CXCL13: variants seen among roughly 807,000 people sequenced by gnomAD.
CXCL13 encodes the protein C-X-C motif chemokine 13.
In CXCL13, 7 loss-of-function variants were observed where a neutral mutation model predicts 12.2. The ratio of observed to expected loss-of-function variants is 0.57; its 90% CI spans 0.33 to 1.07. The LOEUF is 1.07. Ranked by LOEUF, CXCL13 falls within the 50% of genes least tolerant of loss-of-function variation. The pLI is 0.04. For synonymous variants in CXCL13, 47 were observed against 42.4 expected (o/e 1.11, Z -0.42); for missense variants, 113 against 127.4 (o/e 0.89, Z 0.55).
Position 77,571,773 on chromosome 4 carries a change from G to A in CXCL13, c.-42-34051G>A, listed in dbSNP as rs531554979. ...TCCCCTTCCACACTGTGGAAGCTTT[G>A]TTCTTTTGCTCTTTGCAATAAATCT... On this transcript the variant is annotated intron_variant, in intron 1 of 4. Coordinates refer to the CXCL13 transcript ENST00000286758. 6.2e-4 allele frequency among the ~76,000 whole-genome samples: 94 copies of A among 151,824 alleles called. 5 individuals carry two copies. Among genetic ancestry groups the A allele is most frequent in the African/African-American group, 2.2e-3 (92 of 41,178 alleles).
chr4:77,522,415 G>A (rs1440807450), intron 1 of CXCL13, among the ~76,000 whole-genome samples: 1 of 148,294 alleles, frequency 6.7e-6, no homozygotes, highest in African/African-American at 2.5e-5. Context: ...TCTTCTTGTT[G>A]AATTGATCCC....
At position 77,611,566 on chromosome 4, in the gene CXCL13, T is replaced by C. The variant is rs1727156215; in HGVS notation, c.*527T>C. On this transcript the variant is annotated 3_prime_UTR_variant, in exon 4 of 4. Transcript: ENST00000682537. ...CTACGGAGGAGAATTAAGTCCTACTTTTAAAGAATTTCTTTATAAAATTTA... is the reference window on the plus strand; with the variant it reads ...CTACGGAGGAGAATTAAGTCCTACTCTTAAAGAATTTCTTTATAAAATTTA... 1 of 397,198 alleles carries C rather than the reference T, an allele frequency of 2.5e-6. No homozygotes were observed. The highest frequency in any genetic ancestry group is 2.1e-5 in the African/African-American group (1 of 48,598). The allele number at this position is 397,198 out of a possible 1,614,324, so 24.6% of individuals were successfully genotyped here.
chr4:77,542,082 T>A (rs1367639088), intron 1 of CXCL13, among the ~76,000 whole-genome samples: 2 of 152,152 alleles, frequency 1.3e-5, no homozygotes, highest in Non-Finnish European at 2.9e-5. Flanking sequence ...TTTACTGAGG[T>A]CATTTATCAG....
chr4:77,522,514 C>CTTTTTTTTTTTTTTGTTTT (rs1724635320), intron 1 of CXCL13, among the ~76,000 whole-genome samples: 1 of 10,070 alleles, frequency 9.9e-5, no homozygotes, highest in African/African-American at 3.9e-4. Context: ...GCAACCCCTG[C>CTTTTTTTTTTTTTTGTTTT]TTTTTTTTTT....
At chr4:77,523,767 C>A (rs1724682904) in intron 1 of CXCL13, among the ~76,000 whole-genome samples, 1 of 152,220 alleles carries the variant, frequency 6.6e-6, no homozygotes. Flanking sequence ...CAAGGACCTG[C>A]AAACCTTTGG....
chr4:77,543,767 C>G (rs1189138026), intron 1 of CXCL13, among the ~76,000 whole-genome samples: 2 of 151,862 alleles, frequency 1.3e-5, no homozygotes, highest in East Asian at 3.9e-4. Flanking sequence ...AATTATTATA[C>G]TTTAATTTCT....
At chr4:77,530,668 C>G (rs1164247375) in intron 1 of CXCL13, among the ~76,000 whole-genome samples, 1 of 151,936 alleles carries the variant, frequency 6.6e-6, no homozygotes, top group Non-Finnish European at 1.5e-5. Flanking sequence ...TCTCTCTTTT[C>G]TTCTTTATTA....
intron 1 of CXCL13, among the ~76,000 whole-genome samples, chr4:77,606,860 G>A (rs536883845): frequency 2.8e-4 from 42 of 152,322 alleles, no homozygotes; most frequent in African/African-American, 9.6e-4. Flanking sequence ...GGATAGAAAA[G>A]ATCTGATAAA....
rs1727150299 is a variant in CXCL13, at chr4:77,611,390, C to T, written c.*351C>T. 2.8e-6 allele frequency: 1 copy of T among 360,202 alleles called. No homozygotes were observed. 22.3% of individuals were successfully genotyped at this position (360,202 alleles called of 1,614,324 possible). On this transcript the variant is annotated 3_prime_UTR_variant, in exon 4 of 4. Transcript: ENST00000682537. Reference sequence around the variant, plus strand: ...TGAGAATTTAAGCCTCAAATTTGAACATGTGGCTTGAATTAAGAAGAAAAT... The same window carrying T: ...TGAGAATTTAAGCCTCAAATTTGAATATGTGGCTTGAATTAAGAAGAAAAT...
intron 1 of CXCL13, among the ~76,000 whole-genome samples, chr4:77,535,323 T>C (rs1477307412): frequency 1.3e-5 from 2 of 152,224 alleles, no homozygotes; most frequent in Non-Finnish European, 2.9e-5. Flanking sequence ...TATAAATTCT[T>C]CAATGTATTC....
chr4:77,557,910 G>A (rs1295157763), intron 1 of CXCL13, among the ~76,000 whole-genome samples: 1 of 152,086 alleles, frequency 6.6e-6, no homozygotes, highest in Non-Finnish European at 1.5e-5. Flanking sequence ...CATCTACCTT[G>A]GCAACTCTGG....
At chr4:77,598,280 G>A (rs56199654) in intron 1 of CXCL13, among the ~76,000 whole-genome samples, 1 of 152,334 alleles carries the variant, frequency 6.6e-6, no homozygotes, top group African/African-American at 2.4e-5. Flanking sequence ...CTGTATTAGG[G>A]AGACTCTGCA....
chr4:77,537,879 C>T (rs1054920292), intron 1 of CXCL13, among the ~76,000 whole-genome samples: 4 of 152,152 alleles, frequency 2.6e-5, no homozygotes, highest in African/African-American at 9.7e-5. Context: ...GGGATGAACT[C>T]TTGATCCAAA....
At chr4:77,580,167 G>A (rs1345640412) in intron 1 of CXCL13, among the ~76,000 whole-genome samples, 1 of 151,846 alleles carries the variant, frequency 6.6e-6, no homozygotes, top group Non-Finnish European at 1.5e-5. Context: ...TTGAGTGATA[G>A]ATACACTAAA....
Position 77,610,992 on chromosome 4 carries a change from A to T in CXCL13, c.283A>T (p.Ser95Cys), listed in dbSNP as rs533657002. The T allele has an allele frequency of 1.8e-5, 29 of 1,610,574 alleles. No homozygotes were observed. The highest frequency in any genetic ancestry group is 2.3e-5 in the Non-Finnish European group (27 of 1,179,452). The change falls in exon 4 of 4, where the codon AGT (serine) becomes TGT (cysteine). Residue 95 changes from serine (S) to cysteine (C), a missense_variant. Transcript: ENST00000682537. ...GTTTTTGTTTCTGCTTCACAGAAGA[A>T]GTTCTTCAACTCTACCAGTTCCAGT... Reference protein sequence around the residue: ...QRMMEVLRKRSSSTLPVPVFK... With the variant: ...QRMMEVLRKRCSSTLPVPVFK...
intron 1 of CXCL13, among the ~76,000 whole-genome samples, chr4:77,598,366 G>T (rs1726813153): frequency 6.6e-6 from 1 of 152,182 alleles, no homozygotes; most frequent in Admixed American, 6.5e-5. Context: ...CTGTCGTCTT[G>T]CCATGAAAGA....
intron 1 of CXCL13, among the ~76,000 whole-genome samples, chr4:77,541,482 T>C (rs866567912): frequency 9.2e-5 from 14 of 152,206 alleles, no homozygotes; most frequent in African/African-American, 3.4e-4. Flanking sequence ...CTTTCCACAT[T>C]GCTTATTTTT....
chr4:77,583,955 A>G (rs969230287), intron 1 of CXCL13, among the ~76,000 whole-genome samples: 1 of 152,196 alleles, frequency 6.6e-6, no homozygotes, highest in African/African-American at 2.4e-5. Context: ...CTTTCCCTCT[A>G]AATCCCACTT....
chr4:77,570,634 C>T lies in CXCL13; in HGVS notation c.-42-35190C>T, dbSNP rs181696250. Among the ~76,000 whole-genome samples the T allele has an allele frequency of 4.7e-3, 718 of 152,286 alleles. 5 individuals carry two copies. Among genetic ancestry groups the T allele is most frequent in the African/African-American group, 0.016 (652 of 41,568 alleles). The stretch of plus-strand genomic sequence containing the variant: ...TTTCTGGGCTGGCCAAGGCCAGAGC[C>T]GGCTCCCTCAGTTTGCAGGGAGGTG... On this transcript the variant is annotated intron_variant, in intron 1 of 4. Coordinates refer to the CXCL13 transcript ENST00000286758.
Sources: gnomAD v4.1 joint callset for allele counts (sites outside exome capture counted in the v4.1 genomes callset) on GRCh38, gnomAD v4.1.1 for gene constraint, MANE v1.5 for transcripts, NCBI Gene and HGNC (gene_info 2026-07-23, HGNC 2026-07-21) for gene names.